The following JAKMIP1 variants were observed in gnomAD, a reference collection of about 807,000 sequenced individuals.
JAKMIP1 encodes janus kinase and microtubule-interacting protein 1.
JAKMIP1 carries 33 observed loss-of-function variants against 113.0 expected under a neutral mutation model. The ratio of observed to expected loss-of-function variants is 0.29; its 90% CI spans 0.22 to 0.39. The LOEUF (loss-of-function observed/expected upper bound fraction) is 0.39, where lower values mean the gene tolerates loss of function less well. JAKMIP1 is among the 10% of genes least tolerant of loss of function. The pLI is 1.00. For missense variants in JAKMIP1, 813 were observed against 1,080.5 expected, an observed-to-expected ratio of 0.75 and a Z score of 3.47; for synonymous variants, 480 against 459.9, an observed-to-expected ratio of 1.04 and a Z score of -0.56.
At chr4:6,100,167 G>A (rs890189936) in intron 3 of JAKMIP1, among the ~76,000 whole-genome samples, 2 of 152,172 alleles carry the variant, frequency 1.3e-5, no homozygotes, top group Non-Finnish European at 2.9e-5. Flanking sequence ...CTTCCAAGTT[G>A]TGGAGCCATC....
In JAKMIP1 at chr4:6,059,244, TG is replaced by T. The variant is rs1716915577; in HGVS notation, c.1644+1179del. 6.6e-6 allele frequency among the ~76,000 whole-genome samples: 1 copy of T among 152,218 alleles called. No individual in the cohort carries two copies. The highest frequency in any genetic ancestry group is 2.4e-5 in the African/African-American group (1 of 41,474). ...ATTGGTAAAGTCTGCTGTGGTGACC[TG>T]CTCTGTGCCAGGCATGCATGCTGGT... is the stretch of plus-strand genomic sequence containing the variant. On this transcript the variant is annotated intron_variant, in intron 11 of 20. Transcript: ENST00000409021. The surrounding 1 kb of genome is among the most constrained non-coding windows in gnomAD (Gnocchi z 4.8).
chr4:6,109,912 G>A (rs542247832), intron 2 of JAKMIP1, among the ~76,000 whole-genome samples: 2 of 152,280 alleles, frequency 1.3e-5, no homozygotes, highest in South Asian at 2.1e-4. Flanking sequence ...GCAGCCAGAT[G>A]GGTAAAGTCA....
intron 1 of JAKMIP1, among the ~76,000 whole-genome samples, chr4:6,123,408 G>A (rs950544700): frequency 2.6e-5 from 4 of 152,236 alleles, no homozygotes; most frequent in Non-Finnish European, 5.9e-5. Context: ...AAAAGGCGAA[G>A]ACACAGGCAG....
chr4:6,089,934 G>A lies in JAKMIP1; in HGVS notation c.625-4305C>T, dbSNP rs1721806647. Among the ~76,000 whole-genome samples the A allele has an allele frequency of 6.6e-6, 1 of 152,280 alleles. No individual in the cohort carries two copies. Among genetic ancestry groups the A allele is most frequent in the East Asian group, 1.9e-4 (1 of 5,168 alleles). On this transcript the variant is annotated intron_variant, in intron 3 of 20. Transcript: ENST00000409021. The surrounding 1 kb of genome is among the most constrained non-coding windows in gnomAD (Gnocchi z 5.3). ...CGTTAGGGTGGACCCTAAACCCACT[G>A]ACTGGCATCCTTAAAAGAAGAGGAC...
Position 6,086,017 on chromosome 4 carries a change from T to C in JAKMIP1, c.625-388A>G, listed in dbSNP as rs928744157. Among the ~76,000 whole-genome samples the C allele has an allele frequency of 2.2e-4, 33 of 152,028 alleles. No homozygotes were observed. The highest frequency in any genetic ancestry group is 7.5e-4 in the African/African-American group (31 of 41,444). On this transcript the variant is annotated intron_variant, in intron 3 of 20. Coordinates refer to ENST00000409021, the MANE Select transcript of JAKMIP1 (RefSeq NM_001099433.2). This position sits in a 1 kb window ranked among gnomAD's most constrained non-coding sequence, Gnocchi z 4.1. ...CCGTCTCCAGGACCATGTCTCCCTCTCAGTCATTGACCCTCTCCTGCCTGG... is the reference window on the plus strand; with the variant it reads ...CCGTCTCCAGGACCATGTCTCCCTCCCAGTCATTGACCCTCTCCTGCCTGG...
Position 6,048,867 on chromosome 4 carries a change from A to G in JAKMIP1, c.2018T>C (p.Leu673Pro). Residue 673 changes from leucine to proline, a missense_variant, in exon 16 of 21, where the codon CTG becomes CCG. Transcript: ENST00000409021. ...AIIQAGTVLA[L>P]CEKWLKQIEG... ...GCCGCTGGCTTCTACCTTTTCACAC[A>G]GGGCAAGCACAGTTCCAGCTTGGAT... 1 of 1,613,838 alleles carries G rather than the reference A, an allele frequency of 6.2e-7. No homozygotes were observed. Among genetic ancestry groups the G allele is most frequent in the Non-Finnish European group, 8.5e-7 (1 of 1,179,718 alleles).
intron 8 of JAKMIP1, among the ~76,000 whole-genome samples, chr4:6,074,665 T>C (rs1231677360): frequency 1.3e-5 from 2 of 152,196 alleles, no homozygotes; most frequent in South Asian, 2.1e-4. Context: ...TTGTACACTT[T>C]AACTAGATTA....
At position 6,064,748 on chromosome 4, in the gene JAKMIP1, C is replaced by A; in HGVS notation, c.1431+132G>T. 2 of 1,154,916 alleles carry A rather than the reference C, an allele frequency of 1.7e-6. No individual in the cohort carries two copies. Among genetic ancestry groups the A allele is most frequent in the South Asian group, 1.5e-5 (1 of 67,074 alleles). 71.5% of individuals were successfully genotyped at this position (1,154,916 alleles called of 1,614,324 possible). The stretch of plus-strand genomic sequence containing the variant: ...CTTCACACCATTGGCTTTGATAATG[C>A]ACTGGTAGGAACTGGTCATCTGGGG... On this transcript the variant is annotated intron_variant, in intron 9 of 20. Coordinates refer to ENST00000409021, the MANE Select transcript of JAKMIP1 (RefSeq NM_001099433.2). The surrounding 1 kb of genome is among the most constrained non-coding windows in gnomAD (Gnocchi z 4.3).
chr4:6,182,668 G>A (rs1007278218), intron 1 of JAKMIP1, among the ~76,000 whole-genome samples: 2 of 152,170 alleles, frequency 1.3e-5, no homozygotes, highest in Non-Finnish European at 2.9e-5. Context: ...TGCTATGGCA[G>A]CCAAATGGTC....
At chr4:6,099,723 C>T (rs1357396312) in intron 3 of JAKMIP1, among the ~76,000 whole-genome samples, 2 of 152,218 alleles carry the variant, frequency 1.3e-5, no homozygotes, top group African/African-American at 4.8e-5. Flanking sequence ...TCTTCACCTG[C>T]AGAACCTCCT....
rs1725656512 is a variant in JAKMIP1 at position 6,178,526 on chromosome 4, A to C, written c.-148+21727T>G. Among the ~76,000 whole-genome samples the C allele has an allele frequency of 6.6e-6, 1 of 152,208 alleles. No homozygotes were observed. The highest frequency in any genetic ancestry group is 1.5e-5 in the Non-Finnish European group (1 of 68,046). On this transcript the variant is annotated intron_variant, in intron 1 of 20. Transcript: ENST00000409021. This position sits in a 1 kb window ranked among gnomAD's most constrained non-coding sequence, Gnocchi z 5.5. ...GGTGTGTTTGGTGGGGAATTGAAGT[A>C]GGTGGTTTTCTGATGATATTGGAAG...
In JAKMIP1 at chr4:6,069,463, T is replaced by A. The variant is rs1194527815; in HGVS notation, c.1303-4455A>T. 6.6e-6 allele frequency among the ~76,000 whole-genome samples: 1 copy of A among 152,174 alleles called. No individual in the cohort carries two copies. The highest frequency in any genetic ancestry group is 2.4e-5 in the African/African-American group (1 of 41,442). On this transcript the variant is annotated intron_variant, in intron 8 of 20. Transcript: ENST00000409021. The surrounding 1 kb of genome is among the most constrained non-coding windows in gnomAD (Gnocchi z 4.5). ...AATCCAGATTCAGATTAAGATTCAG[T>A]TTTGGCCGGGCACAGTGGCTCATGC...
rs2108767969 is a variant in JAKMIP1, at chr4:6,051,057, A to C, written c.1807-378T>G. ...TATGGTTTATTACTCTGTGCCAGGC[A>C]CACCACTCTCCCGTCTAATCCTCAC... On this transcript the variant is annotated intron_variant, in intron 13 of 20. Coordinates refer to ENST00000409021, the MANE Select transcript of JAKMIP1 (RefSeq NM_001099433.2). The surrounding 1 kb of genome is among the most constrained non-coding windows in gnomAD (Gnocchi z 5.0). Among the ~76,000 whole-genome samples, 2 of 152,346 alleles carry C rather than the reference A, an allele frequency of 1.3e-5. No individual in the cohort carries two copies. The highest frequency in any genetic ancestry group is 1.3e-4 in the Admixed American group (2 of 15,304).
rs1190006369 is a variant in JAKMIP1 at position 6,065,809 on chromosome 4, C to T, written c.1303-801G>A. 6.6e-6 allele frequency among the ~76,000 whole-genome samples: 1 copy of T among 152,190 alleles called. No individual in the cohort carries two copies. The highest frequency in any genetic ancestry group is 1.9e-4 in the East Asian group (1 of 5,192). On this transcript the variant is annotated intron_variant, in intron 8 of 20. Transcript: ENST00000409021. This position sits in a 1 kb window ranked among gnomAD's most constrained non-coding sequence, Gnocchi z 5.1. ...GGCTTCATTCATCTGTCTATCAATTCATTCACTCAGAAAACACTGGCAAAG... is the reference window on the plus strand; with the variant it reads ...GGCTTCATTCATCTGTCTATCAATTTATTCACTCAGAAAACACTGGCAAAG...
Position 6,080,739 on chromosome 4 carries a change from C to CAA in JAKMIP1, c.1102-429_1102-428dup, listed in dbSNP as rs1483276469. 6.6e-6 allele frequency among the ~76,000 whole-genome samples: 1 copy of CAA among 152,024 alleles called. No homozygotes were observed. Among genetic ancestry groups the CAA allele is most frequent in the African/African-American group, 2.4e-5 (1 of 41,380 alleles). Reference sequence around the variant, plus strand: ...AGTCCATTAAACCTCTTTTTCTTTACAAATTACCCAGTCTCAGGTATGCCT... The same window carrying CAA: ...AGTCCATTAAACCTCTTTTTCTTTACAAAAATTACCCAGTCTCAGGTATGCCT... On this transcript the variant is annotated intron_variant, in intron 6 of 20. Transcript: ENST00000409021. This position sits in a 1 kb window ranked among gnomAD's most constrained non-coding sequence, Gnocchi z 6.0.
intron 1 of JAKMIP1, among the ~76,000 whole-genome samples, chr4:6,125,175 C>A (rs1296187314): frequency 6.6e-6 from 1 of 152,066 alleles, no homozygotes; most frequent in Non-Finnish European, 1.5e-5. Context: ...TGTGCCACCC[C>A]ACATAGGCAC....
In JAKMIP1 at chr4:6,110,482, G is replaced by A. The variant is rs139376254; in HGVS notation, c.129+2240C>T. Among the ~76,000 whole-genome samples, 6 of 151,418 alleles carry A rather than the reference G, an allele frequency of 4.0e-5. No individual in the cohort carries two copies. The East Asian group carries it at 1.2e-3, about 30-fold the overall frequency. ...AGCTAACACACCTGGGCAAGTCCCC[G>A]CCCTCTCCAGCCCTTGGCTTGCTCA... On this transcript the variant is annotated intron_variant, in intron 2 of 20. Transcript: ENST00000409021.
rs780717499 is a variant in JAKMIP1 at position 6,105,727 on chromosome 4, C to T, written c.370G>A (p.Ala124Thr). Residue 124 changes from alanine (A) to threonine (T), a missense_variant, in exon 3 of 21, where the codon GCG becomes ACG. Transcript: ENST00000409021. ...AGCGCCGTCTTGACCTTGTCGGCCGCGCCGTCGCGCAGCACGTTCAGCGTG... is the reference window on the plus strand; with the variant it reads ...AGCGCCGTCTTGACCTTGTCGGCCGTGCCGTCGCGCAGCACGTTCAGCGTG... The part of the protein sequence containing the change: ...QATLNVLRDG[A>T]ADKVKTALLT... 13 of 1,601,122 alleles carry T rather than the reference C, an allele frequency of 8.1e-6. No individual in the cohort carries two copies. Among genetic ancestry groups the T allele is most frequent in the Middle Eastern group, 1.7e-4 (1 of 6,004 alleles).
At chr4:6,166,242 C>T (rs1723615287) in intron 1 of JAKMIP1, among the ~76,000 whole-genome samples, 1 of 152,206 alleles carries the variant, frequency 6.6e-6, no homozygotes, top group Admixed American at 6.5e-5. Context: ...CCTATCTGAA[C>T]CCTGGGTTCT....
Sources: gnomAD v4.1 joint callset for allele counts (sites outside exome capture counted in the v4.1 genomes callset) on GRCh38, gnomAD v4.1.1 for gene constraint, Gnocchi (gnomAD v3.1) non-coding constraint, MANE v1.5 for transcripts, NCBI Gene and HGNC (gene_info 2026-07-23, HGNC 2026-07-21) for gene names.